Variants in EN2 observed in about 807,000 individuals in gnomAD.
EN2 encodes the protein homeobox protein engrailed-2.
A neutral mutation model predicts 25.0 loss-of-function variants in EN2; 7 were observed. That is an observed-to-expected ratio of 0.28 (90% confidence interval 0.16 to 0.53). The LOEUF is 0.53. Ranked by LOEUF, EN2 falls within the 20% of genes least tolerant of loss-of-function variation. The pLI is 0.96. For missense variants in EN2, 524 were observed against 501.8 expected (o/e 1.04, Z -0.42); for synonymous variants, 277 against 243.3 (o/e 1.14, Z -1.29).
Position 155,462,687 on chromosome 7 carries a change from G to A in EN2, c.1002G>A (p.Ter334=), listed in dbSNP as rs773232233. 2.0e-5 allele frequency: 32 copies of A among 1,569,694 alleles called. No individual in the cohort carries two copies. Among genetic ancestry groups the A allele is most frequent in the Non-Finnish European group, 2.8e-5 (32 of 1,155,788 alleles). The change falls in exon 2 of 2, where the codon TAG becomes TAA. Residue 334 remains the stop codon, a stop_retained_variant. Transcript: ENST00000297375. ...TAKEGKSDSE[*] ...AGGAGGGCAAGTCGGACAGCGAGTA[G>A]GGCGGGGGGCATGGAGGCCAGGTCT...
intron 1 of EN2, among the ~76,000 whole-genome samples, chr7:155,461,301 G>T (rs1041205918): frequency 2.0e-5 from 3 of 152,236 alleles, no homozygotes; most frequent in Non-Finnish European, 2.9e-5. Flanking sequence ...CCTGCCAGTG[G>T]CCTTGCCCCC....
intron 1 of EN2, among the ~76,000 whole-genome samples, chr7:155,461,121 A>G (rs1478674888): frequency 6.6e-6 from 1 of 152,002 alleles, no homozygotes; most frequent in Non-Finnish European, 1.5e-5. Context: ...CTCCAAGGAG[A>G]TCCACATTCC....
In EN2 at chr7:155,463,977, T is replaced by C. The variant is rs969759971; in HGVS notation, c.*1290T>C. 2.0e-5 allele frequency: 3 copies of C among 147,740 alleles called. No individual in the cohort carries two copies. The highest frequency in any genetic ancestry group is 4.5e-5 in the Non-Finnish European group (3 of 67,352). The allele number at this position is 147,740 out of a possible 1,614,324, so 9.2% of individuals were successfully genotyped here. On this transcript the variant is annotated 3_prime_UTR_variant, in exon 2 of 2. Coordinates refer to ENST00000297375, the MANE Select transcript of EN2 (RefSeq NM_001427.4). ...CAAGATAAATATGTGTGTTTACACA[T>C]ATGTCTGCATGCATGTGAACACACA... is the stretch of plus-strand genomic sequence containing the variant.
Position 155,458,766 on chromosome 7 carries a change from G to T in EN2, c.389G>T (p.Arg130Leu). The change falls in exon 1 of 2, where the codon CGG (arginine) becomes CTG (leucine). Residue 130 changes from arginine to leucine, a missense_variant. Transcript: ENST00000297375. ...QLLGSGSREPRQNPPCAPGAG... is the reference protein window; with the variant it reads ...QLLGSGSREPLQNPPCAPGAG... The stretch of plus-strand genomic sequence containing the variant: ...TTGGGCTCGGGCTCCCGAGAGCCCC[G>T]GCAGAACCCGCCATGTGCGCCCGGC... 1 of 1,371,284 alleles carries T rather than the reference G, an allele frequency of 7.3e-7. No homozygotes were observed. 84.9% of individuals were successfully genotyped at this position (1,371,284 alleles called of 1,614,324 possible).
rs1353211731 is a variant in EN2 at position 155,464,225 on chromosome 7, C to T, written c.*1538C>T. 2 of 152,124 alleles carry T rather than the reference C, an allele frequency of 1.3e-5. No homozygotes were observed. Among genetic ancestry groups the T allele is most frequent in the African/African-American group, 4.8e-5 (2 of 41,404 alleles). The allele number at this position is 152,124 out of a possible 1,614,324, so 9.4% of individuals were successfully genotyped here. A position where few individuals can be genotyped will look rare whatever the true frequency, so the allele number is the denominator to read the frequency against. On this transcript the variant is annotated 3_prime_UTR_variant, in exon 2 of 2. Transcript: ENST00000297375. ...TAAATTAAATATATTCAATATATTT[C>T]CCACCAAGTACCTATATATGTATAT...
chr7:155,462,202 C>T (rs4717034), intron 1 of EN2, among the ~76,000 whole-genome samples, 169 bp from the exon 2 acceptor site: 20,787 of 152,250 alleles, frequency 0.14, 1,545 homozygotes, highest in East Asian at 0.19. Flanking sequence ...TGGAGGTCCG[C>T]GTTGAGCCCA....
chr7:155,461,016 AC>A (rs1220534996), intron 1 of EN2, among the ~76,000 whole-genome samples: 4 of 152,130 alleles, frequency 2.6e-5, no homozygotes, highest in African/African-American at 9.6e-5. Context: ...CTTGGCATTC[AC>A]CCTGGGCCTC....
chr7:155,462,913 C>A lies in EN2; in HGVS notation c.*226C>A. The A allele has an allele frequency of 2.0e-6, 1 of 501,216 alleles. No individual in the cohort carries two copies. The highest frequency in any genetic ancestry group is 3.2e-6 in the Non-Finnish European group (1 of 316,496). The allele number at this position is 501,216 out of a possible 1,614,324, so 31.0% of individuals were successfully genotyped here. Reference sequence around the variant, plus strand: ...AGTTTTTTGTGTTTATGAGATTATGCTAATTTTATGGGTTTTTTTCTTTTT... The same window carrying A: ...AGTTTTTTGTGTTTATGAGATTATGATAATTTTATGGGTTTTTTTCTTTTT... On this transcript the variant is annotated 3_prime_UTR_variant, in exon 2 of 2. Coordinates refer to ENST00000297375, the MANE Select transcript of EN2 (RefSeq NM_001427.4).
Position 155,459,051 on chromosome 7 carries a change from G to A in EN2, c.674G>A (p.Arg225Gln), listed in dbSNP as rs1795664810. The A allele has an allele frequency of 6.3e-7, 1 of 1,578,636 alleles. No individual in the cohort carries two copies. The highest frequency in any genetic ancestry group is 8.5e-7 in the Non-Finnish European group (1 of 1,171,358). The stretch of plus-strand genomic sequence containing the variant: ...GTCTACTGTACGCGCTACTCGGACC[G>A]GCCTTCTTCAGGTGAGCCCGCGGGG... Reference protein sequence around the residue: ...AWVYCTRYSDRPSSGPRSRKP... With the variant: ...AWVYCTRYSDQPSSGPRSRKP... The change falls in exon 1 of 2, where the codon CGG (arginine) becomes CAG (glutamine). Residue 225 changes from arginine to glutamine, a missense_variant. Transcript: ENST00000297375.
rs760902565 is a variant in EN2 at position 155,458,665 on chromosome 7, GGGCGGCGGAGCC to G, written c.296_307del (p.Gly99_Gly102del). The stretch of plus-strand genomic sequence containing the variant: ...GCTGTGCGGGCGCGGGAGGAGGAAG[GGGCGGCGGAGCC>G]GGCGGCGAAGGCGGCGCGAGCGGTG... On this transcript the variant is annotated inframe_deletion, in exon 1 of 2. Coordinates refer to ENST00000297375, the MANE Select transcript of EN2 (RefSeq NM_001427.4). 2.0e-5 allele frequency: 27 copies of G among 1,372,766 alleles called. No individual in the cohort carries two copies. The highest frequency in any genetic ancestry group is 3.6e-5 in the South Asian group (2 of 55,858). 85.0% of individuals were successfully genotyped at this position (1,372,766 alleles called of 1,614,324 possible).
chr7:155,462,902 A>G lies in EN2; in HGVS notation c.*215A>G, dbSNP rs1225013671. On this transcript the variant is annotated 3_prime_UTR_variant, in exon 2 of 2. Transcript: ENST00000297375. The stretch of plus-strand genomic sequence containing the variant: ...ATATTTTTTTGAGTTTTTTGTGTTT[A>G]TGAGATTATGCTAATTTTATGGGTT... The G allele has an allele frequency of 5.3e-6, 3 of 567,410 alleles. No individual in the cohort carries two copies. In the African/African-American group the frequency reaches 5.8e-5, roughly 11 times the overall value. 35.1% of individuals were successfully genotyped at this position (567,410 alleles called of 1,614,324 possible). A position where few individuals can be genotyped will look rare whatever the true frequency, so the allele number is the denominator to read the frequency against.
intron 1 of EN2, among the ~76,000 whole-genome samples, chr7:155,459,265 G>C (rs930662871): frequency 6.6e-6 from 1 of 152,182 alleles, no homozygotes; most frequent in African/African-American, 2.4e-5. Flanking sequence ...GATTCGCTAG[G>C]GGGTACAGAC....
In EN2 at chr7:155,458,780, T is replaced by C; in HGVS notation, c.403T>C (p.Cys135Arg). 1 of 1,387,200 alleles carries C rather than the reference T, an allele frequency of 7.2e-7. No individual in the cohort carries two copies. Among genetic ancestry groups the C allele is most frequent in the Non-Finnish European group, 9.2e-7 (1 of 1,082,714 alleles). 85.9% of individuals were successfully genotyped at this position (1,387,200 alleles called of 1,614,324 possible). ...GSREPRQNPPCAPGAGGPLPA... is the reference protein window; with the variant it reads ...GSREPRQNPPRAPGAGGPLPA... The stretch of plus-strand genomic sequence containing the variant: ...CCGAGAGCCCCGGCAGAACCCGCCA[T>C]GTGCGCCCGGCGCGGGCGGGCCGCT... Residue 135 changes from cysteine to arginine, a missense_variant, in exon 1 of 2, where the codon TGT (cysteine) becomes CGT (arginine). Coordinates refer to ENST00000297375, the MANE Select transcript of EN2 (RefSeq NM_001427.4).
At chr7:155,460,290 A>G (rs1005004804) in intron 1 of EN2, among the ~76,000 whole-genome samples, 10 of 152,176 alleles carry the variant, frequency 6.6e-5, no homozygotes, top group African/African-American at 1.9e-4. Context: ...CCAGCCCCCA[A>G]CGGCCCGGGA....
chr7:155,462,593 C>T lies in EN2; in HGVS notation c.908C>T (p.Thr303Met), dbSNP rs759624958. Residue 303 changes from threonine to methionine, a missense_variant, in exon 2 of 2, where the codon ACG becomes ATG. Physicochemically the swap from Thr to Met is moderately conservative, Grantham distance 81 (BLOSUM62 -1). Transcript: ENST00000297375. ...QNKRAKIKKA[T>M]GNKNTLAVHL... ...AAGCGCGCCAAGATCAAGAAGGCCACGGGCAACAAGAACACGCTGGCCGTG... is the reference window on the plus strand; with the variant it reads ...AAGCGCGCCAAGATCAAGAAGGCCATGGGCAACAAGAACACGCTGGCCGTG... 5.0e-6 allele frequency: 8 copies of T among 1,613,984 alleles called. No homozygotes were observed. Among genetic ancestry groups the T allele is most frequent in the South Asian group, 2.2e-5 (2 of 91,078 alleles).
rs1177914407 is a variant in EN2 at position 155,462,975 on chromosome 7, A to AT, written c.*289dup. On this transcript the variant is annotated 3_prime_UTR_variant, in exon 2 of 2. Transcript: ENST00000297375. ...CTGCTTAGGGTTTCACCTTTTTTTAATCCCCTAAGCTCCATTATATGACAT... is the reference window on the plus strand; with the variant it reads ...CTGCTTAGGGTTTCACCTTTTTTTAATTCCCCTAAGCTCCATTATATGACAT... 7.0e-6 allele frequency: 2 copies of AT among 287,032 alleles called. No homozygotes were observed. Among genetic ancestry groups the AT allele is most frequent in the African/African-American group, 4.4e-5 (2 of 45,244 alleles). The allele number at this position is 287,032 out of a possible 1,614,324, so 17.8% of individuals were successfully genotyped here. A position where few individuals can be genotyped will look rare whatever the true frequency, so the allele number is the denominator to read the frequency against.
In EN2 at chr7:155,458,524, G is replaced by T; in HGVS notation, c.147G>T (p.Met49Ile). The change falls in exon 1 of 2, where the codon ATG becomes ATT. Residue 49 changes from methionine to isoleucine, a missense_variant. Transcript: ENST00000297375. ...EADTGRRRAL[M>I]LPAVLQAPGN... ...ACACCGGGCGCCGGCGGGCTCTGAT[G>T]CTGCCCGCGGTCCTGCAGGCGCCCG... 1 of 1,356,892 alleles carries T rather than the reference G, an allele frequency of 7.4e-7. No individual in the cohort carries two copies. The highest frequency in any genetic ancestry group is 9.5e-7 in the Non-Finnish European group (1 of 1,052,836). The allele number at this position is 1,356,892 out of a possible 1,614,324, so 84.1% of individuals were successfully genotyped here.
rs1795647392 is a variant in EN2 at position 155,458,180 on chromosome 7, C to T, written c.-198C>T. 2 of 563,192 alleles carry T rather than the reference C, an allele frequency of 3.6e-6. No homozygotes were observed. Among genetic ancestry groups the T allele is most frequent in the East Asian group, 3.6e-5 (1 of 27,746 alleles). The allele number at this position is 563,192 out of a possible 1,614,324, so 34.9% of individuals were successfully genotyped here. A position where few individuals can be genotyped will look rare whatever the true frequency, so the allele number is the denominator to read the frequency against. On this transcript the variant is annotated 5_prime_UTR_variant, in exon 1 of 2. Coordinates refer to ENST00000297375, the MANE Select transcript of EN2 (RefSeq NM_001427.4). ...GGCTCGTGGTGTTTCTAACCCAGTT[C>T]GTGGATTCAAAGGTGGCTCCGCGCC...
At chr7:155,461,576 G>A (rs1301995406) in intron 1 of EN2, among the ~76,000 whole-genome samples, 1 of 152,198 alleles carries the variant, frequency 6.6e-6, no homozygotes, top group Non-Finnish European at 1.5e-5. Context: ...CTACCCTGCT[G>A]CCCACAGTGA....
Sources: gnomAD v4.1 joint callset for allele counts (sites outside exome capture counted in the v4.1 genomes callset) on GRCh38, gnomAD v4.1.1 for gene constraint, MANE v1.5 for transcripts, NCBI Gene and HGNC (gene_info 2026-07-23, HGNC 2026-07-21) for gene names.